The following GIGYF2 variants were observed in gnomAD, a reference collection of about 807,000 sequenced individuals.
GIGYF2 encodes the protein GRB10-interacting GYF protein 2.
A neutral mutation model predicts 208.1 loss-of-function variants in GIGYF2; 25 were observed. The ratio of observed to expected loss-of-function variants is 0.12; its 90% CI spans 0.09 to 0.17. The LOEUF is 0.17. Ranked by LOEUF, GIGYF2 falls within the 10% of genes least tolerant of loss-of-function variation. GIGYF2 has a pLI of 1.00. For missense variants in GIGYF2, 1,302 were observed against 1,579.4 expected (o/e 0.82, Z 2.98); for synonymous variants, 534 against 543.8 (o/e 0.98, Z 0.25).
chr2:232,707,331 C>T (rs2106249265), intron 2 of GIGYF2, among the ~76,000 whole-genome samples: 1 of 152,254 alleles, frequency 6.6e-6, no homozygotes, highest in East Asian at 1.9e-4. Context: ...AAGGAATTGG[C>T]AGAAGTTTGT....
intron 13 of GIGYF2, among the ~76,000 whole-genome samples, chr2:232,795,262 C>CTTTTGTA (rs1358546230): frequency 6.6e-6 from 1 of 152,120 alleles, no homozygotes; most frequent in Non-Finnish European, 1.5e-5. Context: ...GTCACTGTAT[C>CTTTTGTA]TTTTGTATTT....
intron 8 of GIGYF2, among the ~76,000 whole-genome samples, chr2:232,773,982 C>A: frequency 6.9e-6 from 1 of 145,316 alleles, no homozygotes; most frequent in East Asian, 2.1e-4. Flanking sequence ...TCCCATTTTA[C>A]AGATAACGAA....
chr2:232,727,741 T>C (rs890779008), intron 2 of GIGYF2, among the ~76,000 whole-genome samples: 10 of 152,192 alleles, frequency 6.6e-5, no homozygotes, highest in African/African-American at 2.4e-4. Flanking sequence ...GATTTCTGCT[T>C]TGGGGTAGCC....
intron 3 of GIGYF2, among the ~76,000 whole-genome samples, chr2:232,739,609 G>A (rs1034751153): frequency 4.6e-5 from 7 of 151,844 alleles, no homozygotes; most frequent in Admixed American, 1.3e-4. Flanking sequence ...AGCCTGGGAG[G>A]TCAAGGCTGC....
chr2:232,750,765 T>A (rs1266050749), intron 5 of GIGYF2, among the ~76,000 whole-genome samples: 2 of 141,146 alleles, frequency 1.4e-5, no homozygotes, highest in African/African-American at 2.6e-5. Flanking sequence ...GTGTGTATGT[T>A]TGTGTGTGTG....
chr2:232,729,734 G>T (rs1697364493), intron 2 of GIGYF2: 4 of 754,924 alleles, frequency 5.3e-6, no homozygotes, highest in Non-Finnish European at 9.8e-6. Flanking sequence ...CTCTAATTTT[G>T]CCATATCTGT....
intron 19 of GIGYF2, among the ~76,000 whole-genome samples, chr2:232,816,656 G>A (rs1259282653): frequency 1.3e-5 from 2 of 152,178 alleles, no homozygotes; most frequent in Non-Finnish European, 2.9e-5. Flanking sequence ...TGTAGCGTAT[G>A]TCAGAATTTC....
In GIGYF2 at chr2:232,838,030, C is replaced by T. The variant is rs1682214040; in HGVS notation, c.2767-1819C>T. ...GCATGATTGACACACTGCAGTTCTC[C>T]TGAGTGGGCATTATAGGGTGGGCTG... On this transcript the variant is annotated intron_variant, in intron 22 of 28. Coordinates refer to ENST00000373563, the MANE Select transcript of GIGYF2 (RefSeq NM_001103146.3). Among the ~76,000 whole-genome samples the T allele has an allele frequency of 1.3e-5, 2 of 152,024 alleles. 1 individual carries two copies. Among genetic ancestry groups the T allele is most frequent in the African/African-American group, 4.8e-5 (2 of 41,376 alleles).
intron 18 of GIGYF2, among the ~76,000 whole-genome samples, chr2:232,815,405 A>T (rs918607761): frequency 1.3e-5 from 2 of 152,158 alleles, no homozygotes; most frequent in Admixed American, 1.3e-4. Flanking sequence ...CTTTGTAAGG[A>T]TGAAGTTAAT....
At chr2:232,729,079 A>G (rs1188394197) in intron 2 of GIGYF2, among the ~76,000 whole-genome samples, 1 of 152,096 alleles carries the variant, frequency 6.6e-6, no homozygotes, top group African/African-American at 2.4e-5. Flanking sequence ...CCTGGGCTCA[A>G]GCAGTCCTCC....
chr2:232,819,524 T>C (rs548959154), intron 20 of GIGYF2, among the ~76,000 whole-genome samples: 1 of 152,338 alleles, frequency 6.6e-6, no homozygotes, highest in East Asian at 1.9e-4. Context: ...GCTATACTTC[T>C]AATGTAGCTC....
chr2:232,824,528 A>G (rs1168880078), intron 21 of GIGYF2, among the ~76,000 whole-genome samples: 2 of 152,220 alleles, frequency 1.3e-5, no homozygotes, highest in Admixed American at 1.3e-4. Context: ...AACTCTCTTC[A>G]ATTCTGTGAA....
In GIGYF2 at chr2:232,858,614, C is replaced by G. The variant is rs1299816455; in HGVS notation, c.*1754C>G. The G allele has an allele frequency of 8.8e-6, 4 of 453,962 alleles. No individual in the cohort carries two copies. The highest frequency in any genetic ancestry group is 8.0e-5 in the African/African-American group (4 of 49,752). The allele number at this position is 453,962 out of a possible 1,614,324, so 28.1% of individuals were successfully genotyped here. A position where few individuals can be genotyped will look rare whatever the true frequency, so the allele number is the denominator to read the frequency against. ...AAATAAAAAAGAACTTAAATAAAAT[C>G]TGATTGTATTCTATCTGAGTGCACC... is the stretch of plus-strand genomic sequence containing the variant. On this transcript the variant is annotated 3_prime_UTR_variant, in exon 29 of 29. Transcript: ENST00000373563.
At chr2:232,822,443 G>A (rs1048714128) in intron 21 of GIGYF2, among the ~76,000 whole-genome samples, 3 of 152,214 alleles carry the variant, frequency 2.0e-5, no homozygotes, top group Non-Finnish European at 4.4e-5. Context: ...AGCACTTTGG[G>A]AGGCCAAGGC....
At chr2:232,751,042 G>A (rs1039789108) in intron 5 of GIGYF2, among the ~76,000 whole-genome samples, 1 of 152,018 alleles carries the variant, frequency 6.6e-6, no homozygotes, top group African/African-American at 2.4e-5. Context: ...ATCTAGGCTG[G>A]TGTTGAACTC....
Position 232,801,572 on chromosome 2 carries a change from G to A in GIGYF2, c.1640-4919G>A, listed in dbSNP as rs541293108. On this transcript the variant is annotated intron_variant, in intron 14 of 28. Transcript: ENST00000373563. Reference sequence around the variant, plus strand: ...TATACGACATGATGTTTTTAAATACGCATACATATTATGGATGGCTAAGTC... The same window carrying A: ...TATACGACATGATGTTTTTAAATACACATACATATTATGGATGGCTAAGTC... Among the ~76,000 whole-genome samples, 6 of 152,260 alleles carry A rather than the reference G, an allele frequency of 3.9e-5. No homozygotes were observed. In the East Asian group the frequency reaches 5.8e-4, roughly 15 times the overall value.
intron 21 of GIGYF2, among the ~76,000 whole-genome samples, chr2:232,821,088 C>G (rs113897697): frequency 0.033 from 5,048 of 152,284 alleles, 239 homozygotes; most frequent in East Asian, 0.23. Flanking sequence ...GCCTCAGCCT[C>G]CCAAATGCTG....
intron 22 of GIGYF2, among the ~76,000 whole-genome samples, chr2:232,833,696 A>G (rs1701493904): frequency 1.3e-5 from 2 of 151,992 alleles, no homozygotes; most frequent in Non-Finnish European, 2.9e-5. Flanking sequence ...TGAGACAAAC[A>G]TAAATGAGAC....
At chr2:232,732,115 A>ATGTAC (rs1431717207) in intron 2 of GIGYF2, among the ~76,000 whole-genome samples, 3 of 152,214 alleles carry the variant, frequency 2.0e-5, no homozygotes, top group African/African-American at 7.2e-5. Context: ...AGTATTGGTG[A>ATGTAC]TGCAGTAGTT....
Sources: gnomAD v4.1 joint callset for allele counts (sites outside exome capture counted in the v4.1 genomes callset) on GRCh38, gnomAD v4.1.1 for gene constraint, MANE v1.5 for transcripts, NCBI Gene and HGNC (gene_info 2026-07-23, HGNC 2026-07-21) for gene names.